Variants in CSTF3 observed in about 807,000 individuals in gnomAD.
CSTF3 encodes CF-1 77 kDa subunit.
Under a neutral mutation model 105.8 loss-of-function variants are expected in CSTF3, and 29 were observed. The ratio of observed to expected loss-of-function variants is 0.27; its 90% CI spans 0.20 to 0.37. The LOEUF (loss-of-function observed/expected upper bound fraction) is 0.37, where lower values mean the gene tolerates loss of function less well. CSTF3 is among the 10% of genes least tolerant of loss of function. The probability of loss-of-function intolerance (pLI) is 1.00; values close to 1 mark genes in which losing one functional copy is unlikely to be tolerated. For synonymous variants in CSTF3, 252 were observed against 281.9 expected (o/e 0.89, Z 1.06); for missense variants, 357 against 879.3 (o/e 0.41, Z 7.51).
intron 3 of CSTF3, among the ~76,000 whole-genome samples, chr11:33,120,348 A>G (rs983984556): frequency 6.6e-6 from 1 of 151,898 alleles, no homozygotes; most frequent in Non-Finnish European, 1.5e-5. Flanking sequence ...TATAGTTCAA[A>G]GGTAGTGGGA....
chr11:33,103,221 G>T, intron 8 of CSTF3, 37 bp from the exon 9 acceptor site: 2 of 1,031,330 alleles, frequency 1.9e-6, no homozygotes, highest in Non-Finnish European at 1.4e-6. Context: ...ATTAAGTATA[G>T]TTTCTTAAAA....
intron 3 of CSTF3, among the ~76,000 whole-genome samples, chr11:33,132,456 G>A (rs1590279130): frequency 6.6e-6 from 1 of 152,058 alleles, no homozygotes; most frequent in Admixed American, 6.6e-5. Flanking sequence ...CAAACTCGTG[G>A]GGCTCAGGCA....
chr11:33,122,227 A>C (rs960025220), intron 3 of CSTF3, among the ~76,000 whole-genome samples: 7 of 152,224 alleles, frequency 4.6e-5, no homozygotes, highest in Non-Finnish European at 1.0e-4. Context: ...ACTGGTTTTG[A>C]AATGTTTACT....
At position 33,099,486 on chromosome 11, in the gene CSTF3, A is replaced by G. The variant is rs1855258111; in HGVS notation, c.936+122T>C. On this transcript the variant is annotated intron_variant, in intron 11 of 20. Transcript: ENST00000323959. This position sits in a 1 kb window ranked among gnomAD's most constrained non-coding sequence, Gnocchi z 4.1. Reference sequence around the variant, plus strand: ...ATGAGTGTCACTAAGATTCATATGAACGTAAACTTAAATTTTCAATACTTA... The same window carrying G: ...ATGAGTGTCACTAAGATTCATATGAGCGTAAACTTAAATTTTCAATACTTA... 46 of 720,116 alleles carry G rather than the reference A, an allele frequency of 6.4e-5. No individual in the cohort carries two copies. The South Asian group carries it at 8.0e-4, about 13-fold the overall frequency. 44.6% of individuals were successfully genotyped at this position (720,116 alleles called of 1,614,324 possible).
At chr11:33,102,130 G>A in intron 10 of CSTF3, 47 bp downstream of exon 10, 1 of 1,546,426 alleles carries the variant, frequency 6.5e-7, no homozygotes, top group Admixed American at 1.7e-5. Flanking sequence ...ATACCAAGTG[G>A]CCTAACATAC....
intron 1 of CSTF3, among the ~76,000 whole-genome samples, chr11:33,150,738 C>A (rs896405584): frequency 3.3e-5 from 5 of 151,988 alleles, no homozygotes; most frequent in Admixed American, 6.6e-5. Flanking sequence ...TATCTGTAAT[C>A]CCAGCTACTT....
intron 3 of CSTF3, among the ~76,000 whole-genome samples, chr11:33,120,349 G>A (rs1855474008): frequency 6.6e-6 from 1 of 151,692 alleles, no homozygotes; most frequent in Non-Finnish European, 1.5e-5. Flanking sequence ...ATAGTTCAAA[G>A]GTAGTGGGAA....
At chr11:33,149,874 C>T (rs926188868) in intron 1 of CSTF3, among the ~76,000 whole-genome samples, 6 of 152,130 alleles carry the variant, frequency 3.9e-5, no homozygotes, top group Admixed American at 2.6e-4. Context: ...CAAAAATTAG[C>T]TGGGCATGGT....
chr11:33,099,157 G>GAAA lies in CSTF3; in HGVS notation c.937-10_937-8dup, dbSNP rs746570937. On this transcript the variant is annotated splice_polypyrimidine_tract_variant and splice_region_variant and intron_variant, in intron 11 of 20. Coordinates refer to ENST00000323959, the MANE Select transcript of CSTF3 (RefSeq NM_001326.3). The surrounding 1 kb of genome is among the most constrained non-coding windows in gnomAD (Gnocchi z 4.1). Reference sequence around the variant, plus strand: ...ATTTGGCATTATTCATATCCTGGTAGAAAAAAAAGAAAGCTCATCTTCAAT... The same window carrying GAAA: ...ATTTGGCATTATTCATATCCTGGTAGAAAAAAAAAAAGAAAGCTCATCTTCAAT... The GAAA allele has an allele frequency of 1.3e-6, 2 of 1,566,940 alleles. No individual in the cohort carries two copies. Among genetic ancestry groups the GAAA allele is most frequent in the Non-Finnish European group, 1.7e-6 (2 of 1,168,254 alleles).
intron 3 of CSTF3, among the ~76,000 whole-genome samples, chr11:33,136,915 C>G (rs1425430425): frequency 6.6e-6 from 1 of 151,748 alleles, no homozygotes; most frequent in African/African-American, 2.4e-5. Context: ...CCATGAATGT[C>G]TAGGAAATTT....
chr11:33,130,328 C>G (rs1372374346), intron 3 of CSTF3, among the ~76,000 whole-genome samples: 3 of 151,976 alleles, frequency 2.0e-5, no homozygotes, highest in Non-Finnish European at 4.4e-5. Context: ...CAAAAATTAG[C>G]CAGGTGTGGT....
chr11:33,158,894 C>T (rs886271265), intron 1 of CSTF3, among the ~76,000 whole-genome samples: 1 of 151,944 alleles, frequency 6.6e-6, no homozygotes, highest in African/African-American at 2.4e-5. Flanking sequence ...CTTGACACTT[C>T]GAATAGACAA....
intron 1 of CSTF3, among the ~76,000 whole-genome samples, chr11:33,149,701 T>C (rs1269623250): frequency 2.0e-5 from 3 of 152,134 alleles, no homozygotes; most frequent in African/African-American, 7.2e-5. Flanking sequence ...CTGGCCAAAA[T>C]GGTGAAACCC....
chr11:33,085,611 C>A, intron 20 of CSTF3, 102 bp downstream of exon 20: 1 of 1,060,538 alleles, frequency 9.4e-7, no homozygotes. Flanking sequence ...TTCAAATTGG[C>A]TGGCTGGTTT....
intron 1 of CSTF3, among the ~76,000 whole-genome samples, chr11:33,157,647 C>CT (rs1262793211): frequency 1.3e-5 from 2 of 152,036 alleles, no homozygotes; most frequent in African/African-American, 4.8e-5. Flanking sequence ...TAATTTCCCT[C>CT]TGTTAGGGGG....
At chr11:33,113,662 A>AT (rs768421683) in intron 3 of CSTF3, among the ~76,000 whole-genome samples, 28 of 152,318 alleles carry the variant, frequency 1.8e-4, no homozygotes, top group Non-Finnish European at 3.2e-4. Flanking sequence ...AAAATAATAA[A>AT]TTTTTTAAAT....
intron 1 of CSTF3, among the ~76,000 whole-genome samples, chr11:33,151,209 G>A (rs917552490): frequency 2.0e-5 from 3 of 151,254 alleles, no homozygotes; most frequent in African/African-American, 7.3e-5. Flanking sequence ...TTTTTTCTTT[G>A]AGACAGGATC....
chr11:33,093,768 C>T (rs999328317), intron 15 of CSTF3, among the ~76,000 whole-genome samples: 21 of 152,018 alleles, frequency 1.4e-4, no homozygotes, highest in African/African-American at 4.8e-4. Flanking sequence ...AGTGCAGTGG[C>T]GCAATATCAG....
chr11:33,111,500 T>C (rs1465906165), intron 3 of CSTF3, among the ~76,000 whole-genome samples: 1 of 152,074 alleles, frequency 6.6e-6, no homozygotes, highest in African/African-American at 2.4e-5. Flanking sequence ...CCTATATATG[T>C]TTATGTATTA....
Sources: gnomAD v4.1 joint callset for allele counts (sites outside exome capture counted in the v4.1 genomes callset) on GRCh38, gnomAD v4.1.1 for gene constraint, Gnocchi (gnomAD v3.1) non-coding constraint, MANE v1.5 for transcripts, NCBI Gene and HGNC (gene_info 2026-07-23, HGNC 2026-07-21) for gene names.